Variants in NADK2 observed in about 807,000 individuals in gnomAD.
The protein encoded by NADK2 is NAD kinase domain-containing protein 1, mitochondrial.
In NADK2, 35 loss-of-function variants were observed where a neutral mutation model predicts 62.1. The observed-to-expected ratio is 0.56, with a 90% CI of 0.43 to 0.75. NADK2 has a LOEUF of 0.75. Among genes scored for constraint, NADK2 ranks in the 30% least tolerant of loss-of-function variants. The pLI, the probability that NADK2 is intolerant of heterozygous loss-of-function variation, is 0.00. For synonymous variants in NADK2, 205 were observed against 207.9 expected (o/e 0.99, Z 0.12); for missense variants, 439 against 561.3 (o/e 0.78, Z 2.20).
chr5:36,214,368 C>T (rs1234031116), intron 6 of NADK2, among the ~76,000 whole-genome samples: 2 of 152,142 alleles, frequency 1.3e-5, no homozygotes, highest in Admixed American at 6.5e-5. Flanking sequence ...TTAGTAGAGA[C>T]GAGGTTTTAC....
intron 1 of NADK2, among the ~76,000 whole-genome samples, chr5:36,230,851 T>C (rs948233309): frequency 2.0e-5 from 3 of 152,356 alleles, no homozygotes; most frequent in Admixed American, 6.5e-5. Flanking sequence ...TAACTACTAG[T>C]TGAACTTAAT....
At chr5:36,224,720 T>TTA (rs1413827848) in intron 4 of NADK2, among the ~76,000 whole-genome samples, 2 of 152,122 alleles carry the variant, frequency 1.3e-5, no homozygotes, top group Non-Finnish European at 2.9e-5. Flanking sequence ...GGTAGAAGGC[T>TTA]ACAGTCAGAG....
chr5:36,203,947 C>T (rs921503938), intron 8 of NADK2, among the ~76,000 whole-genome samples: 3 of 152,080 alleles, frequency 2.0e-5, no homozygotes, highest in Non-Finnish European at 2.9e-5. Context: ...ATTGACCTTC[C>T]CTTGTGAAGC....
Position 36,195,130 on chromosome 5 carries a change from C to A in NADK2, c.*14G>T. 6.3e-7 allele frequency: 1 copy of A among 1,587,430 alleles called. No individual in the cohort carries two copies. The highest frequency in any genetic ancestry group is 8.5e-7 in the Non-Finnish European group (1 of 1,170,606). On this transcript the variant is annotated 3_prime_UTR_variant, in exon 12 of 12. Coordinates refer to ENST00000381937, the MANE Select transcript of NADK2 (RefSeq NM_001085411.3). ...ATTCTCGCCAGTAATCAAAATTTGTCATGAGGAAATCCTTCACTGTTCAAG... is the reference window on the plus strand; with the variant it reads ...ATTCTCGCCAGTAATCAAAATTTGTAATGAGGAAATCCTTCACTGTTCAAG...
At chr5:36,199,697 C>G (rs1746367243) in intron 10 of NADK2, among the ~76,000 whole-genome samples, 3 of 152,018 alleles carry the variant, frequency 2.0e-5, no homozygotes, top group African/African-American at 7.2e-5. Context: ...AGGATCACAG[C>G]CTTGCCCAAG....
At position 36,213,614 on chromosome 5, in the gene NADK2, CATGCATATATATATATATGG is replaced by C. The variant is rs1372082635; in HGVS notation, c.782-1712_782-1693del. 2.4e-3 allele frequency among the ~76,000 whole-genome samples: 29 copies of C among 12,158 alleles called. 1 individual carries two copies. The South Asian group carries it at 0.22, about 92-fold the overall frequency. The allele number at this position is 12,158 out of a possible 152,430, so 8.0% of individuals were successfully genotyped here. ...ACCTTGATACAAAAAGCTATATATG[CATGCATATATATATATATGG>C]ATTTGATATGTTTAATCAAATTTGA... On this transcript the variant is annotated intron_variant, in intron 6 of 11. Transcript: ENST00000381937.
At chr5:36,234,444 TAAGAG>T (rs1747828591) in intron 1 of NADK2, among the ~76,000 whole-genome samples, 1 of 140,660 alleles carries the variant, frequency 7.1e-6, no homozygotes, top group Admixed American at 7.1e-5. Context: ...CAATAGTAAA[TAAGAG>T]AAGCAAATTT....
At chr5:36,208,702 C>T (rs1364189091) in intron 7 of NADK2, 1 of 1,513,514 alleles carries the variant, frequency 6.6e-7, no homozygotes, top group Non-Finnish European at 8.8e-7. Context: ...TAGGTTAGAA[C>T]AAATAGGAGA....
intron 11 of NADK2, among the ~76,000 whole-genome samples, chr5:36,195,787 T>G (rs901780256): frequency 6.6e-6 from 1 of 152,192 alleles, no homozygotes; most frequent in African/African-American, 2.4e-5. Flanking sequence ...CACTGCCTTC[T>G]CCCAGTCACT....
At chr5:36,195,341 T>G in intron 11 of NADK2, 59 bp from the exon 12 acceptor site, 1 of 1,500,160 alleles carries the variant, frequency 6.7e-7, no homozygotes, top group South Asian at 1.4e-5. Context: ...GTTATTTTAA[T>G]CCTGAATTTT....
At chr5:36,201,252 C>T in intron 8 of NADK2, 91 bp from the exon 9 acceptor site, 2 of 1,176,316 alleles carry the variant, frequency 1.7e-6, no homozygotes, top group Non-Finnish European at 2.4e-6. Flanking sequence ...ATAGAAAATT[C>T]TTAGAAATTA....
At chr5:36,215,883 T>A (rs950704298) in intron 6 of NADK2, among the ~76,000 whole-genome samples, 1 of 152,186 alleles carries the variant, frequency 6.6e-6, no homozygotes, top group Non-Finnish European at 1.5e-5. Context: ...CTATTGTGAA[T>A]AGGGCGGCAT....
At chr5:36,220,361 T>C (rs960192903) in intron 4 of NADK2, among the ~76,000 whole-genome samples, 2 of 152,134 alleles carry the variant, frequency 1.3e-5, no homozygotes, top group African/African-American at 4.8e-5. Context: ...GATTGCCTAT[T>C]GGTTGGTGTA....
In NADK2 at chr5:36,194,273, ACTC is replaced by A. The variant is rs557115683; in HGVS notation, c.*868_*870del. The A allele has an allele frequency of 3.0e-4, 45 of 152,280 alleles. No homozygotes were observed. The highest frequency in any genetic ancestry group is 1.0e-3 in the African/African-American group (42 of 41,562). 9.4% of individuals were successfully genotyped at this position (152,280 alleles called of 1,614,324 possible). A position where few individuals can be genotyped will look rare whatever the true frequency, so the allele number is the denominator to read the frequency against. Reference sequence around the variant, plus strand: ...TAAAGAATCCATTCTTTCTGATAATACTCCTAACACAGGTGAAGATATTTTTAC... The same window carrying A: ...TAAAGAATCCATTCTTTCTGATAATACTAACACAGGTGAAGATATTTTTAC... On this transcript the variant is annotated 3_prime_UTR_variant, in exon 12 of 12. Transcript: ENST00000381937.
intron 8 of NADK2, among the ~76,000 whole-genome samples, chr5:36,206,887 A>G (rs1394047223): frequency 6.6e-6 from 1 of 152,100 alleles, no homozygotes; most frequent in Non-Finnish European, 1.5e-5. Context: ...ACAGTTATTT[A>G]AAATATTTTT....
At position 36,241,878 on chromosome 5, in the gene NADK2, C is replaced by G; in HGVS notation, c.-80G>C. The G allele has an allele frequency of 8.3e-6, 9 of 1,084,760 alleles. No homozygotes were observed. Among genetic ancestry groups the G allele is most frequent in the Non-Finnish European group, 1.0e-5 (9 of 887,148 alleles). The allele number at this position is 1,084,760 out of a possible 1,614,324, so 67.2% of individuals were successfully genotyped here. A position where few individuals can be genotyped will look rare whatever the true frequency, so the allele number is the denominator to read the frequency against. ...TACCGCCGGGAGTGCGCGCCGTCCG[C>G]GCCGCCCGGGCCTCTAACTTCGCGC... is the stretch of plus-strand genomic sequence containing the variant. On this transcript the variant is annotated 5_prime_UTR_variant, in exon 1 of 12. Coordinates refer to ENST00000381937, the MANE Select transcript of NADK2 (RefSeq NM_001085411.3). The surrounding 1 kb of genome is among the most constrained non-coding windows in gnomAD (Gnocchi z 4.9).
chr5:36,240,574 C>T (rs1232687010), intron 1 of NADK2, among the ~76,000 whole-genome samples: 3 of 152,146 alleles, frequency 2.0e-5, no homozygotes, highest in Non-Finnish European at 2.9e-5. Flanking sequence ...CATGGTAGCA[C>T]CGGGCACTCT....
chr5:36,233,864 G>GT (rs1747800004), intron 1 of NADK2, among the ~76,000 whole-genome samples: 1 of 151,988 alleles, frequency 6.6e-6, no homozygotes, highest in Non-Finnish European at 1.5e-5. Context: ...AAATTCTTCT[G>GT]TATTTTTCAA....
intron 1 of NADK2, among the ~76,000 whole-genome samples, chr5:36,234,812 T>G (rs1040292936): frequency 1.3e-5 from 2 of 152,206 alleles, no homozygotes; most frequent in East Asian, 3.8e-4. Context: ...ATCTAAACTT[T>G]AAAAAGATCA....
Sources: gnomAD v4.1 joint callset for allele counts (sites outside exome capture counted in the v4.1 genomes callset) on GRCh38, gnomAD v4.1.1 for gene constraint, Gnocchi (gnomAD v3.1) non-coding constraint, MANE v1.5 for transcripts, NCBI Gene and HGNC (gene_info 2026-07-23, HGNC 2026-07-21) for gene names.